The following ADAMTS19 variants were observed in gnomAD, a reference collection of about 807,000 sequenced individuals.
The protein encoded by ADAMTS19 is A disintegrin and metalloproteinase with thrombospondin motifs 19.
ADAMTS19 carries 93 observed loss-of-function variants against 153.3 expected under a neutral mutation model. That is an observed-to-expected ratio of 0.61 (90% CI 0.51 to 0.72). The LOEUF (loss-of-function observed/expected upper bound fraction) is 0.72, where lower values mean the gene tolerates loss of function less well. Among genes scored for constraint, ADAMTS19 ranks in the 30% least tolerant of loss-of-function variants. ADAMTS19 has a pLI of 0.00. For missense variants in ADAMTS19, 1,482 were observed against 1,552.1 expected (o/e 0.95, Z 0.76); for synonymous variants, 600 against 556.6 (o/e 1.08, Z -1.10).
At chr5:129,474,182 TAGCA>T (rs1750151252) in intron 2 of ADAMTS19, among the ~76,000 whole-genome samples, 1 of 152,172 alleles carries the variant, frequency 6.6e-6, no homozygotes, top group African/African-American at 2.4e-5. Context: ...CTCATTCACT[TAGCA>T]TGATGATGTT....
chr5:129,553,614 G>C (rs181372414), intron 7 of ADAMTS19, among the ~76,000 whole-genome samples: 112 of 152,150 alleles, frequency 7.4e-4, no homozygotes, highest in African/African-American at 2.6e-3. Flanking sequence ...AATTCTCTCT[G>C]TTTTGCTGAT....
intron 3 of ADAMTS19, among the ~76,000 whole-genome samples, chr5:129,523,113 G>A (rs1387765127): frequency 1.3e-5 from 2 of 151,500 alleles, no homozygotes; most frequent in Non-Finnish European, 2.9e-5. Flanking sequence ...ATGAAAATAT[G>A]TTAGAGGTCA....
chr5:129,495,464 A>G (rs1265982800), intron 2 of ADAMTS19, among the ~76,000 whole-genome samples: 1 of 152,120 alleles, frequency 6.6e-6, no homozygotes, highest in African/African-American at 2.4e-5. Context: ...TATTTGTCAT[A>G]TATTTGAAGC....
At chr5:129,644,026 G>A (rs1452465486) in intron 11 of ADAMTS19, among the ~76,000 whole-genome samples, 2 of 151,862 alleles carry the variant, frequency 1.3e-5, no homozygotes, top group Non-Finnish European at 2.9e-5. Flanking sequence ...TTTATATCTG[G>A]CACCTTCAAT....
At chr5:129,684,499 G>GCATTTATTACATTACATTA (rs1754977989) in intron 18 of ADAMTS19, among the ~76,000 whole-genome samples, 1 of 132,612 alleles carries the variant, frequency 7.5e-6, no homozygotes, top group East Asian at 2.3e-4. Flanking sequence ...ACTACTCTTT[G>GCATTTATTACATTACATTA]CATTACATTA....
intron 2 of ADAMTS19, among the ~76,000 whole-genome samples, chr5:129,485,135 C>T (rs1156632694): frequency 6.6e-6 from 1 of 152,114 alleles, no homozygotes; most frequent in Non-Finnish European, 1.5e-5. Context: ...CTTGAAATAA[C>T]TGAAAACACA....
intron 19 of ADAMTS19, among the ~76,000 whole-genome samples, chr5:129,700,576 C>T (rs1227296145): frequency 6.6e-6 from 1 of 152,082 alleles, no homozygotes; most frequent in Non-Finnish European, 1.5e-5. Context: ...AATTTTGTGA[C>T]CTTTGGTAAG....
intron 7 of ADAMTS19, among the ~76,000 whole-genome samples, chr5:129,588,007 T>A (rs1431524777): frequency 6.6e-6 from 1 of 152,194 alleles, no homozygotes; most frequent in Non-Finnish European, 1.5e-5. Context: ...TTTCTATAGT[T>A]CACTGATGCC....
intron 16 of ADAMTS19, among the ~76,000 whole-genome samples, chr5:129,672,500 A>G (rs1382941912): frequency 6.6e-6 from 1 of 152,172 alleles, no homozygotes; most frequent in Non-Finnish European, 1.5e-5. Context: ...TGGACAGAAA[A>G]CAAAACCTAA....
At chr5:129,535,547 A>G (rs963448446) in intron 6 of ADAMTS19, among the ~76,000 whole-genome samples, 2 of 152,190 alleles carry the variant, frequency 1.3e-5, no homozygotes, top group African/African-American at 4.8e-5. Context: ...TCTTCACAGA[A>G]TTGGAAAAAG....
intron 7 of ADAMTS19, among the ~76,000 whole-genome samples, chr5:129,594,310 C>T (rs972753407): frequency 1.3e-5 from 2 of 152,054 alleles, no homozygotes; most frequent in Admixed American, 1.3e-4. Context: ...ATGTGACAAA[C>T]AGGTATATGA....
intron 16 of ADAMTS19, among the ~76,000 whole-genome samples, chr5:129,669,197 C>A (rs536806378): frequency 6.6e-6 from 1 of 151,230 alleles, no homozygotes; most frequent in African/African-American, 2.4e-5. Flanking sequence ...TATCCACATG[C>A]AAAAAAAATG....
At chr5:129,481,689 A>G (rs1750414868) in intron 2 of ADAMTS19, among the ~76,000 whole-genome samples, 1 of 152,184 alleles carries the variant, frequency 6.6e-6, no homozygotes, top group Admixed American at 6.5e-5. Context: ...TCAAAACATT[A>G]AAGGATTGTT....
chr5:129,722,630 T>C (rs1757051932), intron 21 of ADAMTS19, among the ~76,000 whole-genome samples: 1 of 152,216 alleles, frequency 6.6e-6, no homozygotes, highest in South Asian at 2.1e-4. Flanking sequence ...TTAGCTTTTG[T>C]TGCAATTGCT....
In ADAMTS19 at chr5:129,528,615, A is replaced by C; in HGVS notation, c.1266A>C (p.Leu422Phe). The change falls in exon 6 of 23, where the codon TTA (leucine) becomes TTC (phenylalanine). Residue 422 changes from leucine to phenylalanine, a missense_variant. Transcript: ENST00000274487. ...TTGGCAAAAAGAATGATATACATTT[A>C]GAGATGTCAACAAACTGGGGGGAAG... ...EEFGKKNDIH[L>F]EMSTNWGEDM... The C allele has an allele frequency of 6.2e-7, 1 of 1,607,642 alleles. No individual in the cohort carries two copies. The highest frequency in any genetic ancestry group is 8.5e-7 in the Non-Finnish European group (1 of 1,177,360).
At chr5:129,644,389 C>G (rs1752962758) in intron 11 of ADAMTS19, among the ~76,000 whole-genome samples, 1 of 152,100 alleles carries the variant, frequency 6.6e-6, no homozygotes, top group African/African-American at 2.4e-5. Context: ...ACTGCAAGCT[C>G]AATACATTGC....
chr5:129,595,879 G>C (rs12514768), intron 7 of ADAMTS19, among the ~76,000 whole-genome samples: 101,627 of 151,782 alleles, frequency 0.67, 35,977 homozygotes, highest in Non-Finnish European at 0.79. Flanking sequence ...TTTAACTAAA[G>C]AATATCAAGG....
At chr5:129,604,816 C>T (rs949412844) in intron 8 of ADAMTS19, among the ~76,000 whole-genome samples, 1 of 152,028 alleles carries the variant, frequency 6.6e-6, no homozygotes, top group African/African-American at 2.4e-5. Flanking sequence ...GAAATGTACC[C>T]AAGACCACAT....
At chr5:129,625,080 A>G (rs1751965301) in intron 10 of ADAMTS19, among the ~76,000 whole-genome samples, 1 of 151,578 alleles carries the variant, frequency 6.6e-6, no homozygotes, top group Non-Finnish European at 1.5e-5. Flanking sequence ...GAGTGAGAAC[A>G]TGGGTTGTTT....
Sources: gnomAD v4.1 joint callset for allele counts (sites outside exome capture counted in the v4.1 genomes callset) on GRCh38, gnomAD v4.1.1 for gene constraint, MANE v1.5 for transcripts, NCBI Gene and HGNC (gene_info 2026-07-23, HGNC 2026-07-21) for gene names.